The following SLC6A20 variants were observed in gnomAD, a reference collection of about 807,000 sequenced individuals.
SLC6A20 encodes the protein solute carrier family 6 member 20.
A neutral mutation model predicts 64.3 loss-of-function variants in SLC6A20; 73 were observed. That is an observed-to-expected ratio of 1.14 (90% CI 0.94 to 1.38). SLC6A20 has a LOEUF of 1.38. Ranked by LOEUF, SLC6A20 falls within the 40% of genes most tolerant of loss-of-function variation. The pLI is 0.00. For synonymous variants in SLC6A20, 347 were observed against 329.6 expected, an observed-to-expected ratio of 1.05 and a Z score of -0.57; for missense variants, 725 against 772.8, an observed-to-expected ratio of 0.94 and a Z score of 0.73.
At chr3:45,784,240 G>A (rs1222450610) in intron 1 of SLC6A20, among the ~76,000 whole-genome samples, 1 of 152,124 alleles carries the variant, frequency 6.6e-6, no homozygotes, top group Non-Finnish European at 1.5e-5. Context: ...ACATAATCTG[G>A]GTGAATTTGC....
In SLC6A20 at chr3:45,796,367, C is replaced by G. The variant is rs1400523719; in HGVS notation, c.53G>C (p.Cys18Ser). 1.9e-6 allele frequency: 3 copies of G among 1,612,902 alleles called. No individual in the cohort carries two copies. Among genetic ancestry groups the G allele is most frequent in the Admixed American group, 3.3e-5 (2 of 59,924 alleles). ...WANSLQFVFA[C>S]ISYAVGLGNV... is the part of the protein sequence containing the mutation. ...GCCCAGGCCCACGGCGTACGAGATG[C>G]AGGCGAACACGAACTGTAGCGAGTT... Residue 18 changes from cysteine to serine, a missense_variant, in exon 1 of 11, where the codon TGC becomes TCC. Cys to Ser is a moderately radical substitution (Grantham distance 112, BLOSUM62 -1). Coordinates refer to ENST00000358525, the MANE Select transcript of SLC6A20 (RefSeq NM_020208.4).
chr3:45,758,125 C>CAAA lies in SLC6A20; in HGVS notation c.*852_*853insTTT, dbSNP rs1473953618. 3 of 158,318 alleles carry CAAA rather than the reference C, an allele frequency of 1.9e-5. No individual in the cohort carries two copies. Among genetic ancestry groups the CAAA allele is most frequent in the African/African-American group, 7.2e-5 (3 of 41,460 alleles). The allele number at this position is 158,318 out of a possible 1,614,324, so 9.8% of individuals were successfully genotyped here. On this transcript the variant is annotated 3_prime_UTR_variant, in exon 11 of 11. Transcript: ENST00000358525. ...TAGAAATGGGGTTTCGCCATGTTGG[C>CAAA]CAGGCTGGCCTCAAACTCCTGACCT... is the stretch of plus-strand genomic sequence containing the variant.
At chr3:45,785,646 T>TCTCTCTCTCTCC (rs58230332) in intron 1 of SLC6A20, among the ~76,000 whole-genome samples, 1 of 144,206 alleles carries the variant, frequency 6.9e-6, no homozygotes, top group Non-Finnish European at 1.5e-5. Flanking sequence ...TCTCTCTCTC[T>TCTCTCTCTCTCC]TCCCCCTATT....
chr3:45,787,045 C>T (rs1163179481), intron 1 of SLC6A20, among the ~76,000 whole-genome samples: 4 of 152,374 alleles, frequency 2.6e-5, no homozygotes, highest in Admixed American at 6.5e-5. Context: ...AGTCCCCTCC[C>T]TGCAGTTTGT....
chr3:45,787,615 C>T (rs1225414911), intron 1 of SLC6A20, among the ~76,000 whole-genome samples: 2 of 152,122 alleles, frequency 1.3e-5, no homozygotes, highest in East Asian at 3.9e-4. Context: ...CCAGATGCAT[C>T]ACTTCCTCCA....
In SLC6A20 at chr3:45,782,140, T is replaced by A. The variant is rs778943006; in HGVS notation, c.205A>T (p.Met69Leu). The A allele has an allele frequency of 1.4e-5, 22 of 1,613,748 alleles. No individual in the cohort carries two copies. The highest frequency in any genetic ancestry group is 1.8e-5 in the Non-Finnish European group (21 of 1,179,904). ...CAGGCGCCGATGCTGCCCTGCCGCA[T>A]GCGCTGCCCCACAGCCAGTTCCAGG... The part of the protein sequence containing the change: ...LYLELAVGQR[M>L]RQGSIGAWRT... The change falls in exon 2 of 11, where the codon ATG (methionine) becomes TTG (leucine). Residue 69 changes from methionine (M) to leucine (L), a missense_variant. Coordinates refer to ENST00000358525, the MANE Select transcript of SLC6A20 (RefSeq NM_020208.4).
In SLC6A20 at chr3:45,780,039, C is replaced by T. The variant is rs1267776754; in HGVS notation, c.324G>A (p.Trp108Ter). 2.5e-6 allele frequency: 4 copies of T among 1,605,160 alleles called. No individual in the cohort carries two copies. In the South Asian group the frequency reaches 4.5e-5, roughly 18 times the overall value. The change falls in exon 3 of 11, where the codon TGG (tryptophan) becomes TGA (stop). Residue 108 changes from tryptophan (W) to a stop codon, truncating the protein, a stop_gained. Coordinates refer to ENST00000358525, the MANE Select transcript of SLC6A20 (RefSeq NM_020208.4). LOFTEE classifies it high-confidence loss of function. ...AGGAGTGGAAGAGGTACCAGAAGGC[C>T]CAGGCGTTGATGACGTTGTAGTACA... Reference protein sequence around the residue: ...LSMYYNVINAWAFWYLFHSFQ... With the variant: ...LSMYYNVINA
At position 45,757,206 on chromosome 3, in the gene SLC6A20, A is replaced by C. The variant is rs1239858315; in HGVS notation, c.*1772T>G. On this transcript the variant is annotated 3_prime_UTR_variant, in exon 11 of 11. Transcript: ENST00000358525. ...AATGGTCAGCTTTTTACACCGAGACATTCCATTACCAGGGACAAGCAGGAG... is the reference window on the plus strand; with the variant it reads ...AATGGTCAGCTTTTTACACCGAGACCTTCCATTACCAGGGACAAGCAGGAG... 1 of 150,238 alleles carries C rather than the reference A, an allele frequency of 6.7e-6. No individual in the cohort carries two copies. Among genetic ancestry groups the C allele is most frequent in the Admixed American group, 6.6e-5 (1 of 15,046 alleles). 9.3% of individuals were successfully genotyped at this position (150,238 alleles called of 1,614,324 possible).
chr3:45,796,346 A>G lies in SLC6A20; in HGVS notation c.74T>C (p.Leu25Pro), dbSNP rs763259500. The G allele has an allele frequency of 1.2e-5, 19 of 1,612,096 alleles. No individual in the cohort carries two copies. The highest frequency in any genetic ancestry group is 1.6e-5 in the Non-Finnish European group (19 of 1,179,456). Residue 25 changes from leucine (L) to proline (P), a missense_variant, in exon 1 of 11, where the codon CTG (leucine) becomes CCG (proline). Transcript: ENST00000358525. ...GTACGGGAATCGCCACACGTTGCCCAGGCCCACGGCGTACGAGATGCAGGC... is the reference window on the plus strand; with the variant it reads ...GTACGGGAATCGCCACACGTTGCCCGGGCCCACGGCGTACGAGATGCAGGC... The part of the protein sequence containing the change: ...VFACISYAVG[L>P]GNVWRFPYLC...
chr3:45,790,253 G>A (rs555263115), intron 1 of SLC6A20: 64 of 152,086 alleles, frequency 4.2e-4, no homozygotes, highest in African/African-American at 1.5e-3. Context: ...ACACAGCAGG[G>A]ATTTTTTGTA....
chr3:45,757,174 G>T lies in SLC6A20; in HGVS notation c.*1804C>A. On this transcript the variant is annotated 3_prime_UTR_variant, in exon 11 of 11. Coordinates refer to ENST00000358525, the MANE Select transcript of SLC6A20 (RefSeq NM_020208.4). ...GTTTTCTCCTATCTCAGAATAGAAC[G>T]AATGGGAATGGTCAGCTTTTTACAC... is the stretch of plus-strand genomic sequence containing the variant. 1 of 88,290 alleles carries T rather than the reference G, an allele frequency of 1.1e-5. No homozygotes were observed. The allele number at this position is 88,290 out of a possible 1,614,324, so 5.5% of individuals were successfully genotyped here.
Position 45,759,092 on chromosome 3 carries a change from T to TGCATAGGCCGGGTAATCTTTGGTC in SLC6A20, c.1641_1664dup (p.Thr548_Ala555dup). On this transcript the variant is annotated inframe_insertion, in exon 11 of 11. Transcript: ENST00000358525. ...CCACAAGCAGCCCGATGACAGCCAG[T>TGCATAGGCCGGGTAATCTTTGGTC]GCATAGGCCGGGTAATCTTTGGTCA... The TGCATAGGCCGGGTAATCTTTGGTC allele has an allele frequency of 6.2e-7, 1 of 1,612,338 alleles. No individual in the cohort carries two copies. Among genetic ancestry groups the TGCATAGGCCGGGTAATCTTTGGTC allele is most frequent in the Non-Finnish European group, 8.5e-7 (1 of 1,179,550 alleles).
Position 45,771,297 on chromosome 3 carries a change from G to A in SLC6A20, c.855C>T (p.Phe285=). The A allele has an allele frequency of 6.2e-7, 1 of 1,614,244 alleles. No homozygotes were observed. The highest frequency in any genetic ancestry group is 2.2e-5 in the East Asian group (1 of 44,884). ...TGACAATGCTGGCAAATATGGAGGT[G>A]AAGCTGTTGATGAGGGACACGATGA... is the stretch of plus-strand genomic sequence containing the variant. ...HAIIVSLINS[F]TSIFASIVTF... Residue 285 remains phenylalanine (F), a synonymous_variant, in exon 6 of 11, where the codon TTC becomes TTT. Coordinates refer to ENST00000358525, the MANE Select transcript of SLC6A20 (RefSeq NM_020208.4).
rs116638840 is a variant in SLC6A20, at chr3:45,760,066, C to T, written c.1464-44G>A. On this transcript the variant is annotated intron_variant, in intron 9 of 10. Transcript: ENST00000358525. Reference sequence around the variant, plus strand: ...GAGAAAGTCTGGATTAACCAGGCTGCGGAGGTCAGGGCGTCCAGCTTGCCT... The same window carrying T: ...GAGAAAGTCTGGATTAACCAGGCTGTGGAGGTCAGGGCGTCCAGCTTGCCT... 5,878 of 1,577,328 alleles carry T rather than the reference C, an allele frequency of 3.7e-3. 193 individuals carry two copies. The African/African-American group carries it at 0.068, about 18-fold the overall frequency.
rs868515943 is a variant in SLC6A20 at position 45,765,372 on chromosome 3, C to T, written c.1303+165G>A. Among the ~76,000 whole-genome samples the T allele has an allele frequency of 2.6e-5, 4 of 152,146 alleles. No homozygotes were observed. Among genetic ancestry groups the T allele is most frequent in the South Asian group, 4.2e-4 (2 of 4,802 alleles). ...GAACGCACAGGGTGAATCACATGGCCCAGGTCCCAGGTTGTGAGAAGACAT... is the reference window on the plus strand; with the variant it reads ...GAACGCACAGGGTGAATCACATGGCTCAGGTCCCAGGTTGTGAGAAGACAT... On this transcript the variant is annotated intron_variant, in intron 8 of 10. Transcript: ENST00000358525. The surrounding 1 kb of genome is among the most constrained non-coding windows in gnomAD (Gnocchi z 4.2).
At chr3:45,762,763 G>T in intron 9 of SLC6A20, 150 bp downstream of exon 9, 1 of 986,216 alleles carries the variant, frequency 1.0e-6, no homozygotes, top group Non-Finnish European at 1.5e-6. Flanking sequence ...CATAAGCTGA[G>T]ATCTGCGGGC....
At chr3:45,781,614 T>C (rs1700086007) in intron 2 of SLC6A20, among the ~76,000 whole-genome samples, 2 of 152,174 alleles carry the variant, frequency 1.3e-5, no homozygotes. Flanking sequence ...GAGACATTAA[T>C]GGCACTCCAC....
rs1039269301 is a variant in SLC6A20 at position 45,782,014 on chromosome 3, G to C, written c.262+69C>G. On this transcript the variant is annotated intron_variant, in intron 2 of 10. Coordinates refer to ENST00000358525, the MANE Select transcript of SLC6A20 (RefSeq NM_020208.4). ...CCCTTGATCCAGCAGCTTTGCTGATGGGATCCCACCCACACCCCCATGCTG... is the reference window on the plus strand; with the variant it reads ...CCCTTGATCCAGCAGCTTTGCTGATCGGATCCCACCCACACCCCCATGCTG... 16 of 1,474,958 alleles carry C rather than the reference G, an allele frequency of 1.1e-5. No individual in the cohort carries two copies. The African/African-American group carries it at 2.1e-4, about 19-fold the overall frequency. 91.4% of individuals were successfully genotyped at this position (1,474,958 alleles called of 1,614,324 possible).
chr3:45,783,877 T>G (rs1700135119), intron 1 of SLC6A20, among the ~76,000 whole-genome samples: 2 of 152,224 alleles, frequency 1.3e-5, no homozygotes, highest in South Asian at 4.1e-4. Flanking sequence ...CAGAACCTTG[T>G]TTCAGCACCT....
Sources: allele counts gnomAD v4.1 joint callset (sites outside exome capture counted in the v4.1 genomes callset), GRCh38; gene constraint gnomAD v4.1.1; non-coding constraint Gnocchi (gnomAD v3.1); transcripts MANE v1.5; gene names NCBI Gene and HGNC (gene_info 2026-07-23, HGNC 2026-07-21).